ACTMAP: variants seen among roughly 807,000 people sequenced by gnomAD.
ACTMAP encodes the protein actin maturation protease.
At chr19:40,742,283 G>A in the ACTMAP span, 1 of 810,262 alleles carries the variant, frequency 1.2e-6, no homozygotes, top group Non-Finnish European at 2.0e-6. Flanking sequence ...ACCAGCTGGT[G>A]CTCAATACTG....
the ACTMAP span, chr19:40,749,384 T>C: frequency 3.9e-6 from 5 of 1,269,414 alleles, no homozygotes; most frequent in Admixed American, 5.3e-5. Context: ...GTCAGCCTGT[T>C]TGATCTTGAG....
At chr19:40,744,046 C>T in the ACTMAP span, 1 of 1,613,980 alleles carries the variant, frequency 6.2e-7, no homozygotes, top group Non-Finnish European at 8.5e-7. Context: ...CTGCCCTCCT[C>T]TCTCCCAGGC....
chr19:40,742,769 C>G, the ACTMAP span: 2 of 1,604,972 alleles, frequency 1.2e-6, no homozygotes, highest in Non-Finnish European at 1.7e-6. Flanking sequence ...CCAGCAGGAC[C>G]CCTGGGGGAG....
the ACTMAP span, among the ~76,000 whole-genome samples, chr19:40,748,984 CTTTT>C: frequency 9.8e-6 from 1 of 102,554 alleles, no homozygotes; most frequent in African/African-American, 4.0e-5. Flanking sequence ...GGCATTTGCT[CTTTT>C]TTTTTTTTTT....
chr19:40,747,760 GGAGGCTGA>G, the ACTMAP span, among the ~76,000 whole-genome samples: 1 of 152,104 alleles, frequency 6.6e-6, no homozygotes, highest in African/African-American at 2.4e-5. Context: ...CAGCTATTTT[GGAGGCTGA>G]GATGGGAGGA....
the ACTMAP span, chr19:40,745,173 G>A: frequency 2.6e-6 from 4 of 1,551,744 alleles, no homozygotes; most frequent in African/African-American, 5.5e-5. Context: ...GCACAGAAGA[G>A]GATCCACCGC....
chr19:40,745,251 A>G, the ACTMAP span: 1 of 1,528,180 alleles, frequency 6.5e-7, no homozygotes. Flanking sequence ...AGCACCCCCT[A>G]CCCTGAGGTC....
chr19:40,742,866 G>T, the ACTMAP span: 1 of 1,232,160 alleles, frequency 8.1e-7, no homozygotes, highest in Non-Finnish European at 1.1e-6. Flanking sequence ...CTCCAGGGTG[G>T]GTGCAGCTGC....
the ACTMAP span, among the ~76,000 whole-genome samples, chr19:40,747,525 C>T: frequency 5.9e-5 from 9 of 151,348 alleles, no homozygotes; most frequent in Non-Finnish European, 8.8e-5. Context: ...GCAATAAGAG[C>T]GAAACTCCAT....
the ACTMAP span, chr19:40,744,636 G>A: frequency 7.4e-6 from 12 of 1,613,600 alleles, no homozygotes; most frequent in Non-Finnish European, 8.5e-6. Context: ...GACGCCACTG[G>A]GGGGCGACAG....
chr19:40,750,003 T>C, the ACTMAP span: 1 of 464,342 alleles, frequency 2.2e-6, no homozygotes, highest in Non-Finnish European at 3.7e-6. Flanking sequence ...ACTCAAGTCA[T>C]AAGGCACCTG....
the ACTMAP span, among the ~76,000 whole-genome samples, chr19:40,749,262 A>T: frequency 1.3e-5 from 2 of 152,218 alleles, no homozygotes; most frequent in Non-Finnish European, 2.9e-5. Flanking sequence ...AAGTGCTGGG[A>T]TTACATGCAT....
the ACTMAP span, chr19:40,741,935 C>T: frequency 1.6e-5 from 7 of 443,382 alleles, no homozygotes; most frequent in Non-Finnish European, 2.7e-5. Flanking sequence ...GGTAGTGATA[C>T]CTGAGCCCCA....
At chr19:40,749,535 G>T in the ACTMAP span, 1 of 1,551,120 alleles carries the variant, frequency 6.4e-7, no homozygotes, top group Non-Finnish European at 8.7e-7. Flanking sequence ...CTTGGGGACC[G>T]GGCCGGCCTT....
At chr19:40,743,801 C>T in the ACTMAP span, 2 of 1,432,480 alleles carry the variant, frequency 1.4e-6, no homozygotes, top group Non-Finnish European at 2.0e-6. Context: ...AAGTGCCCAG[C>T]CTGGCTGGGG....
At chr19:40,743,944 GAC>G in the ACTMAP span, 1 of 1,614,030 alleles carries the variant, frequency 6.2e-7, no homozygotes, top group Non-Finnish European at 8.5e-7. Context: ...CCCTTCCTCT[GAC>G]ACGGCTCATG....
the ACTMAP span, chr19:40,742,198 A>C: frequency 8.7e-6 from 6 of 686,630 alleles, no homozygotes; most frequent in Admixed American, 1.0e-4. Context: ...CCCTAGTGAG[A>C]AACAGACGAT....
chr19:40,749,506 T>A, the ACTMAP span: 1 of 1,538,332 alleles, frequency 6.5e-7, no homozygotes, highest in Admixed American at 2.0e-5. Context: ...TTCAGAAGCC[T>A]CTTCACATCT....
the ACTMAP span, chr19:40,749,531 G>A: frequency 1.3e-6 from 2 of 1,551,086 alleles, no homozygotes; most frequent in Non-Finnish European, 1.7e-6. Flanking sequence ...TGCCCTTGGG[G>A]ACCGGGCCGG....
Sources: gnomAD v4.1 joint callset for allele counts (sites outside exome capture counted in the v4.1 genomes callset) on GRCh38, gnomAD v4.1.1 for gene constraint, MANE v1.5 for transcripts, NCBI Gene and HGNC (gene_info 2026-07-23, HGNC 2026-07-21) for gene names.